The following CTNNA3 variants were observed in gnomAD, a reference collection of about 807,000 sequenced individuals.
CTNNA3 encodes the protein catenin alpha 3.
In CTNNA3, 76 loss-of-function variants were observed where a neutral mutation model predicts 95.7. The observed-to-expected ratio is 0.79, with a 90% CI of 0.66 to 0.96. CTNNA3 has a LOEUF of 0.96. Among genes scored for constraint, CTNNA3 ranks in the 40% least tolerant of loss-of-function variants. The probability of loss-of-function intolerance (pLI) is 0.00; values close to 1 mark genes in which losing one functional copy is unlikely to be tolerated. For synonymous variants in CTNNA3, 431 were observed against 374.4 expected, an observed-to-expected ratio of 1.15 and a Z score of -1.74; for missense variants, 1,191 against 1,089.8, an observed-to-expected ratio of 1.09 and a Z score of -1.31.
chr10:66,693,288 A>C (rs1264889674), intron 9 of CTNNA3, among the ~76,000 whole-genome samples: 1 of 150,024 alleles, frequency 6.7e-6, no homozygotes, highest in Non-Finnish European at 1.5e-5. Context: ...AATGGAAAAC[A>C]AAAAAAGGCA....
At chr10:67,470,670 G>A (rs1393384755) in intron 5 of CTNNA3, among the ~76,000 whole-genome samples, 5 of 148,638 alleles carry the variant, frequency 3.4e-5, no homozygotes, top group Admixed American at 6.6e-5. Context: ...CACACACACC[G>A]CAGTGAGACT....
intron 11 of CTNNA3, among the ~76,000 whole-genome samples, chr10:66,399,274 AT>A (rs1564927807): frequency 6.6e-6 from 1 of 151,680 alleles, no homozygotes; most frequent in Non-Finnish European, 1.5e-5. Flanking sequence ...ATGGGCTCTG[AT>A]TTATTTTCCT....
chr10:67,690,785 C>T (rs1387955511), intron 1 of CTNNA3, among the ~76,000 whole-genome samples: 3 of 152,192 alleles, frequency 2.0e-5, no homozygotes, highest in East Asian at 3.9e-4. Flanking sequence ...TGCAGGTCTG[C>T]GATGAGAAAA....
intron 14 of CTNNA3, among the ~76,000 whole-genome samples, chr10:66,071,648 G>A (rs970305661): frequency 6.6e-6 from 1 of 151,992 alleles, no homozygotes; most frequent in African/African-American, 2.4e-5. Context: ...GTCTACCTTT[G>A]AAAGCAATTG....
intron 7 of CTNNA3, among the ~76,000 whole-genome samples, chr10:66,996,041 A>G (rs1464903170): frequency 1.3e-5 from 2 of 152,146 alleles, no homozygotes; most frequent in Non-Finnish European, 2.9e-5. Flanking sequence ...GCTTTATTTT[A>G]CCTACTTATT....
At chr10:66,132,966 G>T (rs920539937) in intron 13 of CTNNA3, among the ~76,000 whole-genome samples, 1 of 151,812 alleles carries the variant, frequency 6.6e-6, no homozygotes. Flanking sequence ...TTAGTACCTG[G>T]GTGATGAAAT....
intron 7 of CTNNA3, among the ~76,000 whole-genome samples, chr10:66,783,576 T>C (rs956907318): frequency 6.6e-6 from 1 of 152,086 alleles, no homozygotes; most frequent in Non-Finnish European, 1.5e-5. Flanking sequence ...TATAAAAGCG[T>C]CTGTACGAAC....
intron 12 of CTNNA3, among the ~76,000 whole-genome samples, chr10:66,353,530 G>A (rs1440917019): frequency 1.3e-5 from 2 of 152,058 alleles, no homozygotes; most frequent in African/African-American, 2.4e-5. Flanking sequence ...GCCTGAGGGA[G>A]AACCTCAAGA....
At chr10:67,569,128 T>C (rs1054300346) in intron 3 of CTNNA3, among the ~76,000 whole-genome samples, 2 of 152,290 alleles carry the variant, frequency 1.3e-5, no homozygotes, top group Middle Eastern at 3.4e-3. Flanking sequence ...ATTAGCTACA[T>C]TGCTTGTAAA....
intron 15 of CTNNA3, among the ~76,000 whole-genome samples, chr10:66,040,503 A>G (rs998229841): frequency 1.3e-5 from 2 of 151,934 alleles, no homozygotes; most frequent in Non-Finnish European, 2.9e-5. Flanking sequence ...TATACTAGAT[A>G]AAGTAACTAT....
At chr10:67,573,384 T>C (rs1422830321) in intron 3 of CTNNA3, among the ~76,000 whole-genome samples, 3 of 152,128 alleles carry the variant, frequency 2.0e-5, no homozygotes, top group African/African-American at 4.8e-5. Context: ...GAAGGGTGAC[T>C]GATAAGTCTT....
At chr10:67,117,733 G>A (rs1240990918) in intron 7 of CTNNA3, among the ~76,000 whole-genome samples, 2 of 151,996 alleles carry the variant, frequency 1.3e-5, no homozygotes, top group African/African-American at 4.8e-5. Context: ...AATTTGAAAT[G>A]TCTTGGTTTG....
chr10:67,102,346 A>AC (rs1858389712), intron 7 of CTNNA3, among the ~76,000 whole-genome samples: 1 of 101,504 alleles, frequency 9.9e-6, no homozygotes, highest in African/African-American at 5.7e-5. Flanking sequence ...AAAACCAAGC[A>AC]AACACACACA....
At chr10:66,253,181 C>A (rs2132075936) in intron 13 of CTNNA3, among the ~76,000 whole-genome samples, 1 of 152,322 alleles carries the variant, frequency 6.6e-6, no homozygotes, top group South Asian at 2.1e-4. Flanking sequence ...CTAACTGGCT[C>A]TCCTGACAGG....
At chr10:66,249,571 A>G (rs2090468343) in intron 13 of CTNNA3, among the ~76,000 whole-genome samples, 1 of 152,212 alleles carries the variant, frequency 6.6e-6, no homozygotes, top group Non-Finnish European at 1.5e-5. Flanking sequence ...AATCAAAACT[A>G]TAATGAGATA....
chr10:66,641,456 A>C (rs1211088789), intron 9 of CTNNA3, among the ~76,000 whole-genome samples: 2 of 152,134 alleles, frequency 1.3e-5, no homozygotes, highest in Non-Finnish European at 2.9e-5. Flanking sequence ...AACCCACAGA[A>C]ACTATAAGAG....
chr10:66,291,071 A>G (rs982899088), intron 12 of CTNNA3, among the ~76,000 whole-genome samples: 4 of 152,164 alleles, frequency 2.6e-5, no homozygotes, highest in African/African-American at 9.7e-5. Context: ...CAAACATCTG[A>G]TCACTTACTA....
chr10:67,446,585 T>G (rs1332598909), intron 5 of CTNNA3, among the ~76,000 whole-genome samples: 1 of 152,188 alleles, frequency 6.6e-6, no homozygotes, highest in Non-Finnish European at 1.5e-5. Context: ...CTTATAGCAT[T>G]TACTTCAGAA....
intron 9 of CTNNA3, among the ~76,000 whole-genome samples, chr10:66,726,004 C>T (rs971738202): frequency 1.1e-4 from 17 of 151,920 alleles, no homozygotes; most frequent in South Asian, 8.3e-4. Context: ...AAAACAAAAG[C>T]GGTATGGGTG....
Sources: gnomAD v4.1 joint callset for allele counts (sites outside exome capture counted in the v4.1 genomes callset) on GRCh38, gnomAD v4.1.1 for gene constraint, MANE v1.5 for transcripts, NCBI Gene and HGNC (gene_info 2026-07-23, HGNC 2026-07-21) for gene names.